PTPRD: variants seen among roughly 807,000 people sequenced by gnomAD.
The protein encoded by PTPRD is receptor-type tyrosine-protein phosphatase delta.
Under a neutral mutation model 214.5 loss-of-function variants are expected in PTPRD, and 34 were observed. That is an observed-to-expected ratio of 0.16 (90% CI 0.12 to 0.21). The LOEUF (loss-of-function observed/expected upper bound fraction) is 0.21, where lower values mean the gene tolerates loss of function less well. Ranked by LOEUF, PTPRD falls within the 10% of genes least tolerant of loss-of-function variation. PTPRD has a pLI of 1.00. For missense variants in PTPRD, 2,545 were observed against 2,398.7 expected (o/e 1.06, Z -1.27); for synonymous variants, 1,128 against 845.7 (o/e 1.33, Z -5.79).
chr9:9,459,604 C>G (rs10977778), intron 8 of PTPRD, among the ~76,000 whole-genome samples: 74,844 of 151,788 alleles, frequency 0.49, 18,808 homozygotes, highest in East Asian at 0.67. Context: ...GCATTTAAAA[C>G]AGCCACAAAA....
At chr9:8,781,729 G>A (rs79324424) in intron 11 of PTPRD, among the ~76,000 whole-genome samples, 4,891 of 152,248 alleles carry the variant, frequency 0.032, 157 homozygotes, top group African/African-American at 0.084. Context: ...ATGCAGGAAG[G>A]TCAGGCTGAC....
chr9:9,884,454 C>G (rs2070030301), intron 5 of PTPRD, among the ~76,000 whole-genome samples: 1 of 152,122 alleles, frequency 6.6e-6, no homozygotes, highest in Non-Finnish European at 1.5e-5. Context: ...TAGCAGAGCT[C>G]ATTGTTTACA....
intron 4 of PTPRD, among the ~76,000 whole-genome samples, chr9:10,003,770 C>T (rs1288218772): frequency 6.6e-6 from 1 of 151,552 alleles, no homozygotes; most frequent in Non-Finnish European, 1.5e-5. Flanking sequence ...CTCATGTGGT[C>T]CTCACAACAG....
At chr9:8,683,239 T>G (rs899194225) in intron 12 of PTPRD, among the ~76,000 whole-genome samples, 7 of 152,304 alleles carry the variant, frequency 4.6e-5, no homozygotes, top group Admixed American at 3.3e-4. Flanking sequence ...AAATCTGACT[T>G]TGCATTCATG....
chr9:8,876,108 A>T (rs1201258974), intron 11 of PTPRD, among the ~76,000 whole-genome samples: 1 of 152,214 alleles, frequency 6.6e-6, no homozygotes, highest in East Asian at 1.9e-4. Context: ...AAATGAGCAT[A>T]TAATTAAGAT....
At chr9:8,334,093 G>C (rs1016650334) in intron 43 of PTPRD, among the ~76,000 whole-genome samples, 1 of 152,042 alleles carries the variant, frequency 6.6e-6, no homozygotes, top group African/African-American at 2.4e-5. Flanking sequence ...AATAATAGGA[G>C]ACTTTAACAC....
intron 11 of PTPRD, among the ~76,000 whole-genome samples, chr9:8,971,832 G>C (rs12335502): frequency 0.24 from 36,580 of 151,270 alleles, 4,688 homozygotes; most frequent in East Asian, 0.5. Context: ...TTATAAATAA[G>C]AAAAATAAGG....
intron 2 of PTPRD, among the ~76,000 whole-genome samples, chr9:10,354,868 A>G (rs151212487): frequency 6.6e-6 from 1 of 152,304 alleles, no homozygotes. Flanking sequence ...TGTCTAGTAC[A>G]TATCATAATT....
chr9:10,502,072 G>A lies in PTPRD; in HGVS notation c.-600+110326C>T, dbSNP rs530325050. On this transcript the variant is annotated intron_variant, in intron 2 of 45. Coordinates refer to ENST00000381196, the MANE Select transcript of PTPRD (RefSeq NM_002839.4). ...GCTTAATTTTTTTTAAGAAAATAGT[G>A]TGCTATTGTGAAAGAGGTCCCAAGC... 1.4e-3 allele frequency among the ~76,000 whole-genome samples: 207 copies of A among 151,962 alleles called. 3 individuals are homozygous for A. The highest frequency in any genetic ancestry group is 4.8e-3 in the African/African-American group (198 of 41,510).
At chr9:8,539,238 C>G (rs1342952390) in intron 14 of PTPRD, among the ~76,000 whole-genome samples, 1 of 151,872 alleles carries the variant, frequency 6.6e-6, no homozygotes, top group East Asian at 1.9e-4. Context: ...AAGGGACTCC[C>G]TACATAAATT....
chr9:9,648,154 T>C (rs2154370910), intron 7 of PTPRD, among the ~76,000 whole-genome samples: 1 of 152,278 alleles, frequency 6.6e-6, no homozygotes, highest in African/African-American at 2.4e-5. Flanking sequence ...TACAAATATG[T>C]ACTTATACTC....
chr9:9,079,178 C>T (rs1395336569), intron 10 of PTPRD, among the ~76,000 whole-genome samples: 2 of 152,108 alleles, frequency 1.3e-5, no homozygotes, highest in South Asian at 2.1e-4. Flanking sequence ...ATTTTGTATC[C>T]TTTAACAAAT....
intron 7 of PTPRD, among the ~76,000 whole-genome samples, chr9:9,709,757 C>T (rs2097691099): frequency 6.6e-6 from 1 of 151,852 alleles, no homozygotes; most frequent in Non-Finnish European, 1.5e-5. Flanking sequence ...TATTATTGAC[C>T]TAAGTACTGT....
chr9:8,502,624 T>A (rs1339451729), intron 23 of PTPRD, among the ~76,000 whole-genome samples: 2 of 152,096 alleles, frequency 1.3e-5, no homozygotes, highest in African/African-American at 4.8e-5. Context: ...CTATTTTACA[T>A]GCATTATCAT....
intron 7 of PTPRD, among the ~76,000 whole-genome samples, chr9:9,671,668 A>C (rs1434444642): frequency 6.6e-6 from 1 of 152,154 alleles, no homozygotes; most frequent in Non-Finnish European, 1.5e-5. Flanking sequence ...GGTAGTGAAT[A>C]AATCTCACAA....
chr9:8,885,687 G>C (rs1412355126), intron 11 of PTPRD, among the ~76,000 whole-genome samples: 1 of 151,578 alleles, frequency 6.6e-6, no homozygotes, highest in Non-Finnish European at 1.5e-5. Flanking sequence ...AGTAGAGATG[G>C]GGTTTCACCA....
chr9:9,204,562 T>C (rs1282267871), intron 9 of PTPRD, among the ~76,000 whole-genome samples: 1 of 152,176 alleles, frequency 6.6e-6, no homozygotes, highest in East Asian at 1.9e-4. Flanking sequence ...TAGAGTACTC[T>C]ATATAACTCT....
At chr9:10,460,615 A>G (rs931899936) in intron 2 of PTPRD, among the ~76,000 whole-genome samples, 2 of 152,166 alleles carry the variant, frequency 1.3e-5, no homozygotes, top group Non-Finnish European at 2.9e-5. Context: ...AAAAATACAC[A>G]TGAGGAAAGG....
At chr9:8,612,716 C>G (rs2095492855) in intron 14 of PTPRD, among the ~76,000 whole-genome samples, 1 of 152,188 alleles carries the variant, frequency 6.6e-6, no homozygotes, top group African/African-American at 2.4e-5. Context: ...AAGAGGATGA[C>G]AACTTCTGGG....
Sources: allele counts gnomAD v4.1 joint callset (sites outside exome capture counted in the v4.1 genomes callset), GRCh38; gene constraint gnomAD v4.1.1; transcripts MANE v1.5; gene names NCBI Gene and HGNC (gene_info 2026-07-23, HGNC 2026-07-21).